The following MARCHF3 variants were observed in gnomAD, a reference collection of about 807,000 sequenced individuals.
The protein encoded by MARCHF3 is membrane associated ring-CH-type finger 3.
MARCHF3 carries 13 observed loss-of-function variants against 24.2 expected under a neutral mutation model. The observed-to-expected ratio is 0.54, with a 90% CI of 0.35 to 0.85. The LOEUF (loss-of-function observed/expected upper bound fraction) is 0.85. Ranked by LOEUF, MARCHF3 falls within the 40% of genes least tolerant of loss-of-function variation. MARCHF3 has a pLI of 0.01. For synonymous variants in MARCHF3, 144 were observed against 137.3 expected (o/e 1.05, Z -0.34); for missense variants, 276 against 325.0 (o/e 0.85, Z 1.16).
chr5:126,988,894 T>C (rs1751652006), intron 1 of MARCHF3, among the ~76,000 whole-genome samples: 1 of 152,196 alleles, frequency 6.6e-6, no homozygotes, highest in African/African-American at 2.4e-5. Flanking sequence ...ATATACTATT[T>C]TCACAAAAAC....
At chr5:126,983,348 G>A (rs145649940) in intron 1 of MARCHF3, among the ~76,000 whole-genome samples, 2 of 152,272 alleles carry the variant, frequency 1.3e-5, no homozygotes, top group African/African-American at 2.4e-5. Flanking sequence ...CCCTATCAGG[G>A]GACAGGAACT....
In MARCHF3 at chr5:126,963,279, T is replaced by A. The variant is rs575676033; in HGVS notation, c.-56-45052A>T. The stretch of plus-strand genomic sequence containing the variant: ...TTACAAAAATATTTTTGATGAATTA[T>A]AAGAACAGACCCTAAAATAATACAA... On this transcript the variant is annotated intron_variant, in intron 1 of 4. Coordinates refer to ENST00000308660, the MANE Select transcript of MARCHF3 (RefSeq NM_178450.5). Among the ~76,000 whole-genome samples, 191 of 152,304 alleles carry A rather than the reference T, an allele frequency of 1.3e-3. 2 individuals carry two copies. Among genetic ancestry groups the A allele is most frequent in the Non-Finnish European group, 2.3e-3 (154 of 68,020 alleles).
At chr5:126,899,014 T>C in intron 3 of MARCHF3, 2 of 985,344 alleles carry the variant, frequency 2.0e-6, no homozygotes, top group Non-Finnish European at 2.4e-6. Flanking sequence ...TTTCGTGTTT[T>C]ACAAGCACCA....
intron 1 of MARCHF3, among the ~76,000 whole-genome samples, chr5:127,023,738 AAATAAATAAAT>A (rs1752896355): frequency 1.2e-4 from 4 of 32,966 alleles, no homozygotes; most frequent in African/African-American, 3.3e-4. Context: ...CTCAAAAAAT[AAATAAATAAAT>A]AAATAAATAA....
intron 3 of MARCHF3, among the ~76,000 whole-genome samples, chr5:126,880,296 C>T (rs556726985): frequency 6.6e-6 from 1 of 152,274 alleles, no homozygotes; most frequent in East Asian, 1.9e-4. Flanking sequence ...GGCTGAAATG[C>T]TGAATACAGT....
intron 3 of MARCHF3, among the ~76,000 whole-genome samples, chr5:126,894,735 T>G (rs551713890): frequency 1.5e-4 from 23 of 152,208 alleles, no homozygotes; most frequent in Admixed American, 9.9e-4. Flanking sequence ...TTCCTTCATT[T>G]CAACTTTGGT....
At chr5:126,893,013 C>T (rs1368658413) in intron 3 of MARCHF3, among the ~76,000 whole-genome samples, 1 of 151,816 alleles carries the variant, frequency 6.6e-6, no homozygotes, top group Non-Finnish European at 1.5e-5. Context: ...CTGGTTGAGT[C>T]TTGGGAGGGT....
intron 3 of MARCHF3, among the ~76,000 whole-genome samples, chr5:126,912,223 G>A (rs1309346639): frequency 6.6e-6 from 1 of 152,202 alleles, no homozygotes; most frequent in Non-Finnish European, 1.5e-5. Context: ...GTGAAGAAGT[G>A]TCTTAGGAAC....
intron 4 of MARCHF3, among the ~76,000 whole-genome samples, chr5:126,872,550 G>T (rs935413181): frequency 4.6e-5 from 7 of 152,130 alleles, no homozygotes; most frequent in Admixed American, 2.0e-4. Context: ...TTAATTATCT[G>T]GGAGTAGGTG....
At chr5:126,912,039 G>A (rs951637236) in intron 3 of MARCHF3, among the ~76,000 whole-genome samples, 11 of 152,216 alleles carry the variant, frequency 7.2e-5, no homozygotes, top group African/African-American at 2.7e-4. Flanking sequence ...GGCATGCCCA[G>A]TTTGGAGGTT....
At chr5:126,945,480 G>T (rs940724061) in intron 1 of MARCHF3, among the ~76,000 whole-genome samples, 2 of 152,256 alleles carry the variant, frequency 1.3e-5, no homozygotes, top group Non-Finnish European at 2.9e-5. Context: ...GCAGGAGCCA[G>T]CCAGGCAAAT....
At chr5:127,007,794 C>A (rs551695243) in intron 1 of MARCHF3, among the ~76,000 whole-genome samples, 1 of 152,102 alleles carries the variant, frequency 6.6e-6, no homozygotes, top group African/African-American at 2.4e-5. Context: ...TGTCAGAATT[C>A]TTTTTAAGCT....
chr5:126,984,922 G>A (rs527548315), intron 1 of MARCHF3, among the ~76,000 whole-genome samples: 1 of 152,332 alleles, frequency 6.6e-6, no homozygotes, highest in East Asian at 1.9e-4. Context: ...CTGTCAGTGA[G>A]TGCATGACTC....
intron 1 of MARCHF3, among the ~76,000 whole-genome samples, chr5:126,979,118 T>C (rs1751301688): frequency 6.6e-6 from 1 of 152,256 alleles, no homozygotes; most frequent in East Asian, 1.9e-4. Flanking sequence ...TGTAATAACC[T>C]GGGGCTTTAT....
At chr5:126,940,732 C>A (rs1235942329) in intron 1 of MARCHF3, among the ~76,000 whole-genome samples, 4 of 151,874 alleles carry the variant, frequency 2.6e-5, no homozygotes, top group Non-Finnish European at 4.4e-5. Flanking sequence ...CAGGTGTGAG[C>A]CACTGTGCCC....
intron 1 of MARCHF3, among the ~76,000 whole-genome samples, chr5:126,978,678 C>CT (rs1338623019): frequency 1.3e-5 from 2 of 152,206 alleles, no homozygotes; most frequent in Non-Finnish European, 2.9e-5. Flanking sequence ...CCCACTGGAC[C>CT]TCTATGCAAC....
At chr5:126,876,084 A>C (rs1287751302) in intron 4 of MARCHF3, among the ~76,000 whole-genome samples, 3 of 152,164 alleles carry the variant, frequency 2.0e-5, no homozygotes, top group African/African-American at 7.2e-5. Context: ...TACCTTTTCT[A>C]CCCAAACCTT....
At chr5:126,982,843 C>T (rs574793494) in intron 1 of MARCHF3, among the ~76,000 whole-genome samples, 2 of 152,236 alleles carry the variant, frequency 1.3e-5, no homozygotes, top group East Asian at 1.9e-4. Context: ...GTATATATGC[C>T]TTGTTCTGAA....
chr5:126,969,153 T>G (rs1750913138), intron 1 of MARCHF3, among the ~76,000 whole-genome samples: 1 of 152,250 alleles, frequency 6.6e-6, no homozygotes. Context: ...TGCATCTGAA[T>G]TTTTAAAAAA....
Sources: allele counts gnomAD v4.1 joint callset (sites outside exome capture counted in the v4.1 genomes callset), GRCh38; gene constraint gnomAD v4.1.1; transcripts MANE v1.5; gene names NCBI Gene and HGNC (gene_info 2026-07-23, HGNC 2026-07-21).